Variants in ASIC2 observed in about 807,000 individuals in gnomAD.
The protein encoded by ASIC2 is acid-sensing ion channel 2.
In ASIC2, 25 loss-of-function variants were observed where a neutral mutation model predicts 57.3. That is an observed-to-expected ratio of 0.44 (90% confidence interval 0.32 to 0.61). The LOEUF (loss-of-function observed/expected upper bound fraction) is 0.61, where lower values mean the gene tolerates loss of function less well. Among genes scored for constraint, ASIC2 ranks in the 20% least tolerant of loss-of-function variants. The probability of loss-of-function intolerance (pLI) is 0.06; values close to 1 mark genes in which losing one functional copy is unlikely to be tolerated. For synonymous variants in ASIC2, 319 were observed against 307.5 expected, an observed-to-expected ratio of 1.04 and a Z score of -0.39; for missense variants, 641 against 738.1, an observed-to-expected ratio of 0.87 and a Z score of 1.52.
intron 4 of ASIC2, among the ~76,000 whole-genome samples, chr17:33,026,551 A>G (rs1354165213): frequency 6.6e-6 from 1 of 152,178 alleles, no homozygotes; most frequent in Non-Finnish European, 1.5e-5. Context: ...TATGGGAACA[A>G]GGGTTGTTTT....
intron 1 of ASIC2, among the ~76,000 whole-genome samples, chr17:33,476,171 C>T (rs771627926): frequency 3.3e-5 from 5 of 152,058 alleles, no homozygotes; most frequent in Non-Finnish European, 5.9e-5. Flanking sequence ...AGGACCTAAC[C>T]GGAGGACCTA....
At chr17:34,131,873 C>A (rs1353712208) in intron 1 of ASIC2, among the ~76,000 whole-genome samples, 1 of 152,126 alleles carries the variant, frequency 6.6e-6, no homozygotes, top group Non-Finnish European at 1.5e-5. Flanking sequence ...AGTGCTGGCC[C>A]ACTGACGAAT....
rs372172657 is a variant in ASIC2 at position 34,121,536 on chromosome 17, T to C, written c.555+34442A>G. 3.3e-5 allele frequency among the ~76,000 whole-genome samples: 5 copies of C among 152,176 alleles called. No homozygotes were observed. The East Asian group carries it at 9.6e-4, about 29-fold the overall frequency. ...CCTTCAAGCAAGTGTCCCTGCTACA[T>C]ATTCAAGTGCCCTCCAATCTACAAC... On this transcript the variant is annotated intron_variant, in intron 1 of 9. Coordinates refer to the ASIC2 transcript ENST00000359872.
chr17:33,247,927 G>A (rs766566594), intron 1 of ASIC2, among the ~76,000 whole-genome samples: 1 of 152,136 alleles, frequency 6.6e-6, no homozygotes, highest in Non-Finnish European at 1.5e-5. Context: ...GTGTATGTAC[G>A]GGACAGCCAG....
At chr17:33,440,742 T>C (rs1438180528) in intron 1 of ASIC2, among the ~76,000 whole-genome samples, 2 of 152,248 alleles carry the variant, frequency 1.3e-5, no homozygotes, top group Admixed American at 6.5e-5. Flanking sequence ...CATATACTTA[T>C]TAACTATTCA....
Position 33,502,259 on chromosome 17 carries a change from C to A in ASIC2, c.556-390192G>T, listed in dbSNP as rs191562953. Among the ~76,000 whole-genome samples, 57 of 152,184 alleles carry A rather than the reference C, an allele frequency of 3.7e-4. 1 individual carries two copies. The East Asian group carries it at 7.4e-3, about 20-fold the overall frequency. ...GAACTCCCACAAAACAGGGTGGTGG[C>A]AACATTAAGGGGGCATGCCCTCTAG... On this transcript the variant is annotated intron_variant, in intron 1 of 9. Coordinates refer to the ASIC2 transcript ENST00000359872.
intron 1 of ASIC2, among the ~76,000 whole-genome samples, chr17:33,392,342 C>T (rs531025286): frequency 6.6e-6 from 1 of 151,762 alleles, no homozygotes; most frequent in Non-Finnish European, 1.5e-5. Flanking sequence ...CCCACTGCAA[C>T]CTCCACCATC....
intron 1 of ASIC2, among the ~76,000 whole-genome samples, chr17:33,434,843 T>C (rs1419410389): frequency 6.6e-6 from 1 of 152,242 alleles, no homozygotes; most frequent in Non-Finnish European, 1.5e-5. Context: ...TTTGAAAATG[T>C]AGATATAATA....
At chr17:33,050,701 C>T (rs1383673680) in intron 3 of ASIC2, among the ~76,000 whole-genome samples, 2 of 152,136 alleles carry the variant, frequency 1.3e-5, no homozygotes, top group Non-Finnish European at 2.9e-5. Context: ...ATCCCGGGTG[C>T]TCACTTTTCA....
At chr17:33,589,595 T>A (rs1235713024) in intron 1 of ASIC2, among the ~76,000 whole-genome samples, 1 of 152,152 alleles carries the variant, frequency 6.6e-6, no homozygotes, top group African/African-American at 2.4e-5. Flanking sequence ...CTCTAGACAC[T>A]TCACATAAAT....
At chr17:33,776,132 CAA>C (rs35541526) in intron 1 of ASIC2, among the ~76,000 whole-genome samples, 7,136 of 127,294 alleles carry the variant, frequency 0.056, 280 homozygotes, top group African/African-American at 0.13. Context: ...GACTCTGTCT[CAA>C]AAAAAAAAAA....
In ASIC2 at chr17:33,139,394, G is replaced by GA. The variant is rs1396754982; in HGVS notation, c.709-27328dup. Among the ~76,000 whole-genome samples, 4 of 152,288 alleles carry GA rather than the reference G, an allele frequency of 2.6e-5. No homozygotes were observed. The East Asian group carries it at 7.7e-4, about 29-fold the overall frequency. ...CTGAAGCCCAAAGTAAATTTTCTTG[G>GA]AAAAATCTTTCAGTCCATTCTGTGT... On this transcript the variant is annotated intron_variant, in intron 1 of 9. Transcript: ENST00000225823.
chr17:33,667,392 G>T (rs180824867), intron 1 of ASIC2, among the ~76,000 whole-genome samples: 1 of 152,216 alleles, frequency 6.6e-6, no homozygotes, highest in Non-Finnish European at 1.5e-5. Flanking sequence ...CAACGGAAGT[G>T]CATAGAACAC....
chr17:33,356,264 A>G (rs1262427475), intron 1 of ASIC2, among the ~76,000 whole-genome samples: 5 of 152,172 alleles, frequency 3.3e-5, no homozygotes, highest in Non-Finnish European at 7.3e-5. Flanking sequence ...AGGCTTCAGG[A>G]CAACCCTATA....
At chr17:33,065,224 T>A (rs2090805581) in intron 3 of ASIC2, among the ~76,000 whole-genome samples, 3 of 152,166 alleles carry the variant, frequency 2.0e-5, no homozygotes, top group Admixed American at 2.0e-4. Context: ...TCACCCAGGC[T>A]GGAGTGCAGT....
intron 1 of ASIC2, among the ~76,000 whole-genome samples, chr17:34,099,646 A>G (rs59991089): frequency 6.7e-6 from 1 of 148,486 alleles, no homozygotes; most frequent in Non-Finnish European, 1.5e-5. Context: ...AAGAAAGAAA[A>G]GAGAGGAAGG....
At chr17:33,785,287 T>G (rs189266675) in intron 1 of ASIC2, among the ~76,000 whole-genome samples, 1 of 152,278 alleles carries the variant, frequency 6.6e-6, no homozygotes, top group Admixed American at 6.5e-5. Flanking sequence ...CACCTTGAAT[T>G]CAGATTTCCA....
intron 1 of ASIC2, among the ~76,000 whole-genome samples, chr17:33,630,211 G>C (rs1237688740): frequency 6.6e-6 from 1 of 152,120 alleles, no homozygotes; most frequent in East Asian, 1.9e-4. Context: ...AGTATCTTCA[G>C]CTTCTTCATC....
intron 1 of ASIC2, among the ~76,000 whole-genome samples, chr17:33,505,802 C>T (rs1366034601): frequency 2.0e-5 from 3 of 152,252 alleles, no homozygotes; most frequent in Non-Finnish European, 4.4e-5. Context: ...CTAGTCCTGA[C>T]ATAGCCTCTT....
Sources: allele counts gnomAD v4.1 joint callset (sites outside exome capture counted in the v4.1 genomes callset), GRCh38; gene constraint gnomAD v4.1.1; transcripts MANE v1.5; gene names NCBI Gene and HGNC (gene_info 2026-07-23, HGNC 2026-07-21).